DHX57: variants seen among roughly 807,000 people sequenced by gnomAD.
The protein encoded by DHX57 is DExH-box helicase 57, also known as putative ATP-dependent RNA helicase DHX57.
DHX57 carries 105 observed loss-of-function variants against 156.2 expected under a neutral mutation model. The ratio of observed to expected loss-of-function variants is 0.67; its 90% CI spans 0.57 to 0.79. The LOEUF (loss-of-function observed/expected upper bound fraction) is 0.79. DHX57 is among the 30% of genes least tolerant of loss of function. The pLI is 0.00. For synonymous variants in DHX57, 704 were observed against 595.6 expected, an observed-to-expected ratio of 1.18 and a Z score of -2.65; for missense variants, 1,847 against 1,661.9, an observed-to-expected ratio of 1.11 and a Z score of -1.94.
intron 21 of DHX57, 83 bp downstream of exon 21, chr2:38,813,738 G>T: frequency 2.0e-6 from 3 of 1,467,826 alleles, no homozygotes; most frequent in East Asian, 2.3e-5. Context: ...TCTTTAAGAT[G>T]ATTAATATGC....
intron 9 of DHX57, among the ~76,000 whole-genome samples, chr2:38,850,881 C>T (rs1672551167): frequency 6.6e-6 from 1 of 151,914 alleles, no homozygotes; most frequent in Non-Finnish European, 1.5e-5. Flanking sequence ...TCAAGACAAG[C>T]CTGGCCAACA....
At chr2:38,842,325 G>A (rs1043817394) in intron 12 of DHX57, among the ~76,000 whole-genome samples, 1 of 152,192 alleles carries the variant, frequency 6.6e-6, no homozygotes, top group Admixed American at 6.5e-5. Context: ...ATGACTGAAT[G>A]TAATATATGA....
At chr2:38,864,400 A>C (rs1031761229) in intron 2 of DHX57, among the ~76,000 whole-genome samples, 2 of 152,130 alleles carry the variant, frequency 1.3e-5, no homozygotes, top group African/African-American at 2.4e-5. Flanking sequence ...AAAAGAAATA[A>C]AAAAATTACA....
At chr2:38,859,765 A>G (rs992344298) in intron 5 of DHX57, among the ~76,000 whole-genome samples, 1 of 151,810 alleles carries the variant, frequency 6.6e-6, no homozygotes, top group African/African-American at 2.4e-5. Context: ...GAAATAATAC[A>G]AACTTTTGTT....
chr2:38,855,081 G>A lies in DHX57; in HGVS notation c.1881C>T (p.Tyr627=). The A allele has an allele frequency of 6.2e-7, 1 of 1,613,992 alleles. No homozygotes were observed. The change falls in exon 8 of 24, where the codon TAC becomes TAT. Residue 627 remains tyrosine, a synonymous_variant. Transcript: ENST00000457308. ...CCTTGACACTTTCTAACCGAATCTG[G>A]TATCCCACGGTCAGACCCACCCTCT... ...RAERVGLTVG[Y]QIRLESVKSS...
At chr2:38,831,949 G>A (rs1436766278) in intron 13 of DHX57, among the ~76,000 whole-genome samples, 2 of 152,044 alleles carry the variant, frequency 1.3e-5, no homozygotes, top group African/African-American at 4.8e-5. Flanking sequence ...TTCAACCTGG[G>A]AGGCAGAGGT....
At chr2:38,867,933 C>A (rs1665162934) in intron 2 of DHX57, among the ~76,000 whole-genome samples, 1 of 152,192 alleles carries the variant, frequency 6.6e-6, no homozygotes, top group African/African-American at 2.4e-5. Flanking sequence ...TTTCATCACA[C>A]TATTTCTGTA....
At chr2:38,806,169 T>C (rs1669925580) in intron 22 of DHX57, among the ~76,000 whole-genome samples, 1 of 152,080 alleles carries the variant, frequency 6.6e-6, no homozygotes, top group Non-Finnish European at 1.5e-5. Flanking sequence ...TTACTTCTGA[T>C]GGGTTTAGTG....
chr2:38,806,390 T>C (rs1669936129), intron 22 of DHX57, 169 bp downstream of exon 22: 6 of 717,542 alleles, frequency 8.4e-6, no homozygotes, highest in Non-Finnish European at 1.3e-5. Context: ...GAAATAGTCT[T>C]TCCAGAAATA....
At chr2:38,875,085 G>A (rs541400897) in intron 1 of DHX57, among the ~76,000 whole-genome samples, 10 of 152,282 alleles carry the variant, frequency 6.6e-5, no homozygotes, top group Admixed American at 5.9e-4. Context: ...AACTAGATCT[G>A]AGATATGCGC....
At chr2:38,838,232 G>A (rs1210963290) in intron 12 of DHX57, among the ~76,000 whole-genome samples, 1 of 152,106 alleles carries the variant, frequency 6.6e-6, no homozygotes, top group Non-Finnish European at 1.5e-5. Context: ...CTGAGAGGCT[G>A]GGACTGCAGG....
intron 23 of DHX57, 152 bp from the exon 24 acceptor site, chr2:38,798,594 T>TAGTCTATTACAAAA: frequency 2.3e-6 from 2 of 877,216 alleles, no homozygotes; most frequent in Non-Finnish European, 3.3e-6. Flanking sequence ...CATTTTCATT[T>TAGTCTATTACAAAA]TGTAATAGAC....
Position 38,856,393 on chromosome 2 carries a change from G to T in DHX57, c.1656C>A (p.Thr552=), listed in dbSNP as rs775915216. 1 of 1,613,932 alleles carries T rather than the reference G, an allele frequency of 6.2e-7. No individual in the cohort carries two copies. Among genetic ancestry groups the T allele is most frequent in the South Asian group, 1.1e-5 (1 of 91,072 alleles). Reference sequence around the variant, plus strand: ...GGTGCTTACGCAATAAGTTAAGAATGGTTTCTCTTTCTTCCCAAGCAGGGA... The same window carrying T: ...GGTGCTTACGCAATAAGTTAAGAATTGTTTCTCTTTCTTCCCAAGCAGGGA... ...QSLPAWEERE[T]ILNLLRKHQV... Residue 552 remains threonine, a synonymous_variant, in exon 7 of 24, where the codon ACC becomes ACA. Transcript: ENST00000457308.
chr2:38,834,804 A>C (rs1006266729), intron 13 of DHX57, among the ~76,000 whole-genome samples: 4 of 152,208 alleles, frequency 2.6e-5, no homozygotes, highest in African/African-American at 9.6e-5. Flanking sequence ...GCCATTGTGA[A>C]AGAAGAAAAA....
chr2:38,869,693 C>G (rs533265520), intron 1 of DHX57, among the ~76,000 whole-genome samples: 1 of 152,316 alleles, frequency 6.6e-6, no homozygotes, highest in Non-Finnish European at 1.5e-5. Context: ...ATTAAACCAG[C>G]AAATAACAAT....
chr2:38,849,373 A>G (rs1264376678), intron 9 of DHX57, among the ~76,000 whole-genome samples: 1 of 152,110 alleles, frequency 6.6e-6, no homozygotes, highest in Non-Finnish European at 1.5e-5. Context: ...CCCCCTTGCA[A>G]TCTGTTCTCA....
chr2:38,801,345 A>G (rs1208225573), intron 23 of DHX57, among the ~76,000 whole-genome samples: 1 of 152,062 alleles, frequency 6.6e-6, no homozygotes, highest in African/African-American at 2.4e-5. Flanking sequence ...GGCTTGAGCA[A>G]TCCTCCCACC....
At chr2:38,818,614 T>C (rs557929280) in intron 19 of DHX57, among the ~76,000 whole-genome samples, 1 of 152,192 alleles carries the variant, frequency 6.6e-6, no homozygotes, top group African/African-American at 2.4e-5. Context: ...TAAGCAGCAA[T>C]CTTACTGCCT....
intron 13 of DHX57, among the ~76,000 whole-genome samples, chr2:38,829,684 G>GTTGGGAC (rs941835638): frequency 6.6e-5 from 10 of 152,142 alleles, no homozygotes; most frequent in African/African-American, 2.4e-4. Context: ...CTCCCGAGTA[G>GTTGGGAC]TTGGGACTAC....
Sources: gnomAD v4.1 joint callset for allele counts (sites outside exome capture counted in the v4.1 genomes callset) on GRCh38, gnomAD v4.1.1 for gene constraint, MANE v1.5 for transcripts, NCBI Gene and HGNC (gene_info 2026-07-23, HGNC 2026-07-21) for gene names.